Variants in ITPR1 observed in about 807,000 individuals in gnomAD.
ITPR1 encodes inositol 1,4,5-trisphosphate-gated calcium channel ITPR1.
In ITPR1, 96 loss-of-function variants were observed where a neutral mutation model predicts 318.4. The observed-to-expected ratio is 0.30, with a 90% CI of 0.26 to 0.36. ITPR1 has a LOEUF of 0.36. Ranked by LOEUF, ITPR1 falls within the 10% of genes least tolerant of loss-of-function variation. The pLI, the probability that ITPR1 is intolerant of heterozygous loss-of-function variation, is 1.00. For missense variants in ITPR1, 2,440 were observed against 3,460.2 expected, an observed-to-expected ratio of 0.71 and a Z score of 7.40; for synonymous variants, 1,312 against 1,289.9, an observed-to-expected ratio of 1.02 and a Z score of -0.37.
chr3:4,707,880 T>C (rs1035976571), intron 37 of ITPR1, among the ~76,000 whole-genome samples: 4 of 152,218 alleles, frequency 2.6e-5, no homozygotes, highest in Admixed American at 2.6e-4. Flanking sequence ...ATTCATCAGC[T>C]CCATGCTAGG....
intron 4 of ITPR1, among the ~76,000 whole-genome samples, chr3:4,606,552 T>C (rs756728150): frequency 2.6e-5 from 4 of 152,110 alleles, no homozygotes; most frequent in Non-Finnish European, 4.4e-5. Context: ...CTTTGGTATG[T>C]AAAGGGCAAG....
At chr3:4,525,911 C>G (rs2082943176) in intron 4 of ITPR1, among the ~76,000 whole-genome samples, 1 of 152,188 alleles carries the variant, frequency 6.6e-6, no homozygotes, top group Non-Finnish European at 1.5e-5. Flanking sequence ...AAACTAACAA[C>G]CAGTCTTCAT....
chr3:4,697,503 G>T (rs963235242), intron 34 of ITPR1, among the ~76,000 whole-genome samples: 6 of 127,452 alleles, frequency 4.7e-5, no homozygotes, highest in Admixed American at 9.5e-5. Flanking sequence ...CTAGGCTGGA[G>T]TGCAGTGGCA....
rs1406742413 is a variant in ITPR1, at chr3:4,665,267, C to T, written c.1684C>T (p.His562Tyr). ...ICRLCYRVLR[H>Y]SQQDYRKNQE... ...CCGGCTCTGCTACAGGGTGCTGAGA[C>T]ACTCGCAGCAAGACTACAGGAAGAA... is the stretch of plus-strand genomic sequence containing the variant. Residue 562 changes from histidine (H) to tyrosine (Y), a missense_variant, in exon 17 of 62, where the codon CAC becomes TAC. Physicochemically the swap from His to Tyr is moderately conservative, Grantham distance 83 (BLOSUM62 2). Coordinates refer to ENST00000649015, the MANE Select transcript of ITPR1 (RefSeq NM_001378452.1). The T allele has an allele frequency of 6.2e-7, 1 of 1,613,434 alleles. No homozygotes were observed. The highest frequency in any genetic ancestry group is 8.5e-7 in the Non-Finnish European group (1 of 1,179,516).
intron 2 of ITPR1, among the ~76,000 whole-genome samples, chr3:4,509,931 T>C (rs1323199536): frequency 6.6e-6 from 1 of 152,230 alleles, no homozygotes; most frequent in Non-Finnish European, 1.5e-5. Flanking sequence ...AGAAGACAAC[T>C]GAGGTTCTTG....
rs569491515 is a variant in ITPR1 at position 4,644,337 on chromosome 3, G to A, written c.624+103G>A. On this transcript the variant is annotated intron_variant, in intron 8 of 61. Coordinates refer to ENST00000649015, the MANE Select transcript of ITPR1 (RefSeq NM_001378452.1). ...CTGAGAGTGACTTCAGCAGTGACTT[G>A]GGGCAGGGTGCCCATTCTGCAGGTG... 2.1e-4 allele frequency: 157 copies of A among 741,906 alleles called. No homozygotes were observed. The African/African-American group carries it at 2.5e-3, about 12-fold the overall frequency. 46.0% of individuals were successfully genotyped at this position (741,906 alleles called of 1,614,324 possible).
chr3:4,798,909 A>G (rs527585554), intron 53 of ITPR1, among the ~76,000 whole-genome samples: 18 of 152,308 alleles, frequency 1.2e-4, no homozygotes, highest in African/African-American at 4.1e-4. Flanking sequence ...ACACTATTAG[A>G]TCAGTGGTAG....
At chr3:4,649,236 C>G (rs1013921968) in intron 10 of ITPR1, among the ~76,000 whole-genome samples, 3 of 152,158 alleles carry the variant, frequency 2.0e-5, no homozygotes, top group African/African-American at 7.2e-5. Flanking sequence ...AGCTGTTTTT[C>G]TATGAACAGG....
chr3:4,668,665 A>T (rs2094005437), intron 18 of ITPR1, among the ~76,000 whole-genome samples: 1 of 151,964 alleles, frequency 6.6e-6, no homozygotes, highest in Admixed American at 6.5e-5. Flanking sequence ...ACGGGGTTTC[A>T]CCATATTGGC....
intron 51 of ITPR1, among the ~76,000 whole-genome samples, chr3:4,787,598 T>G (rs1330881500): frequency 6.6e-6 from 1 of 150,458 alleles, no homozygotes; most frequent in Non-Finnish European, 1.5e-5. Flanking sequence ...CTCTGGAGGC[T>G]GAGGCAGGAG....
chr3:4,519,955 G>A (rs988078670), intron 3 of ITPR1, among the ~76,000 whole-genome samples: 2 of 152,164 alleles, frequency 1.3e-5, no homozygotes, highest in African/African-American at 4.8e-5. Context: ...TGGAGAAGGT[G>A]GGGCTCTTAC....
At chr3:4,666,321 T>C (rs2093945423) in intron 17 of ITPR1, among the ~76,000 whole-genome samples, 2 of 151,864 alleles carry the variant, frequency 1.3e-5, no homozygotes, top group Non-Finnish European at 2.9e-5. Context: ...TTTTTTGAAG[T>C]GTATCAAGCT....
Position 4,605,206 on chromosome 3 carries a change from C to T in ITPR1, c.164-22557C>T, listed in dbSNP as rs188315251. On this transcript the variant is annotated intron_variant, in intron 4 of 61. Coordinates refer to ENST00000649015, the MANE Select transcript of ITPR1 (RefSeq NM_001378452.1). ...CAGGCTGTCTAGAACTCCACCTCGG[C>T]CTCCCAAAGTTCTGGGATTACAGGC... Among the ~76,000 whole-genome samples the T allele has an allele frequency of 2.0e-5, 3 of 152,244 alleles. No homozygotes were observed. The East Asian group carries it at 5.8e-4, about 29-fold the overall frequency.
intron 16 of ITPR1, among the ~76,000 whole-genome samples, chr3:4,663,499 C>T (rs1287455268): frequency 1.3e-5 from 2 of 152,146 alleles, no homozygotes; most frequent in Admixed American, 6.5e-5. Context: ...AGACTATTTT[C>T]TAGAGCAGTT....
Position 4,691,183 on chromosome 3 carries a change from A to C in ITPR1, c.3868A>C (p.Asn1290His), listed in dbSNP as rs752773803. The C allele has an allele frequency of 6.2e-7, 1 of 1,612,952 alleles. No homozygotes were observed. The highest frequency in any genetic ancestry group is 1.1e-5 in the South Asian group (1 of 90,834). ...AVTMQHIFMNNFQLCSEINER... is the reference protein window; with the variant it reads ...AVTMQHIFMNHFQLCSEINER... ...AACCATGCAGCACATCTTCATGAAC[A>C]ATTTCCAGCTTTGCAGTGAGATCAA... is the stretch of plus-strand genomic sequence containing the variant. The change falls in exon 32 of 62, where the codon AAT (asparagine) becomes CAT (histidine). Residue 1290 changes from asparagine to histidine, a missense_variant. By Grantham distance (68) the Asn-to-His change is moderately conservative (BLOSUM62 1). This residue lies in a region of ITPR1 where 222 missense variants were observed against 318.8 expected (regional missense o/e 0.70). Transcript: ENST00000649015.
At chr3:4,553,682 C>A (rs1448766859) in intron 4 of ITPR1, among the ~76,000 whole-genome samples, 3 of 150,232 alleles carry the variant, frequency 2.0e-5, no homozygotes, top group Admixed American at 6.7e-5. Context: ...CTCACTGCAA[C>A]TTCTGCCTCC....
intron 4 of ITPR1, among the ~76,000 whole-genome samples, chr3:4,523,430 A>AT (rs5846325): frequency 5.3e-4 from 80 of 150,758 alleles, no homozygotes; most frequent in Middle Eastern, 3.4e-3. Flanking sequence ...CATGCTTATT[A>AT]TTTTTTTTGG....
At chr3:4,574,215 C>G (rs114176786) in intron 4 of ITPR1, among the ~76,000 whole-genome samples, 3,492 of 136,686 alleles carry the variant, frequency 0.026, 113 homozygotes, top group East Asian at 0.14. Context: ...TTTTTTTTTT[C>G]AGCCTCTTAT....
intron 60 of ITPR1, among the ~76,000 whole-genome samples, chr3:4,834,816 G>A (rs995820352): frequency 1.3e-5 from 2 of 152,148 alleles, no homozygotes; most frequent in African/African-American, 2.4e-5. Context: ...ACGATCTTTT[G>A]CCCATTGCTC....
Sources: allele counts gnomAD v4.1 joint callset (sites outside exome capture counted in the v4.1 genomes callset), GRCh38; gene constraint gnomAD v4.1.1; regional missense constraint gnomAD v4.1.1; transcripts MANE v1.5; gene names NCBI Gene and HGNC (gene_info 2026-07-23, HGNC 2026-07-21).